Variants in CPNE4 observed in about 807,000 individuals in gnomAD.
CPNE4 encodes copine-4.
Under a neutral mutation model 67.9 loss-of-function variants are expected in CPNE4, and 25 were observed. The ratio of observed to expected loss-of-function variants is 0.37; its 90% confidence interval spans 0.27 to 0.51. CPNE4 has a LOEUF of 0.51. Ranked by LOEUF, CPNE4 falls within the 20% of genes least tolerant of loss-of-function variation. The probability of loss-of-function intolerance (pLI) is 0.93; values close to 1 mark genes in which losing one functional copy is unlikely to be tolerated. For synonymous variants in CPNE4, 242 were observed against 244.9 expected, an observed-to-expected ratio of 0.99 and a Z score of 0.11; for missense variants, 464 against 690.8, an observed-to-expected ratio of 0.67 and a Z score of 3.68.
At chr3:131,824,374 C>T (rs143403182) in intron 2 of CPNE4, among the ~76,000 whole-genome samples, 1 of 152,124 alleles carries the variant, frequency 6.6e-6, no homozygotes, top group African/African-American at 2.4e-5. Context: ...TCTAACTATC[C>T]ATGCCCAGCT....
At chr3:132,032,613 C>T (rs1261442141) in intron 1 of CPNE4, among the ~76,000 whole-genome samples, 1 of 152,192 alleles carries the variant, frequency 6.6e-6, no homozygotes, top group Non-Finnish European at 1.5e-5. Flanking sequence ...GGTGTTCTGA[C>T]TGCATTTTCC....
intron 1 of CPNE4, among the ~76,000 whole-genome samples, chr3:131,951,734 C>G (rs956369428): frequency 2.0e-5 from 3 of 152,228 alleles, no homozygotes; most frequent in Admixed American, 6.5e-5. Flanking sequence ...GACTGGTTTT[C>G]GTATTTTTTT....
intron 2 of CPNE4, among the ~76,000 whole-genome samples, chr3:131,744,695 C>A (rs1218577081): frequency 1.3e-5 from 2 of 152,200 alleles, no homozygotes; most frequent in African/African-American, 4.8e-5. Flanking sequence ...AGTATGTAAG[C>A]TCTTCAGATT....
At chr3:131,754,482 A>C (rs1583144833) in intron 2 of CPNE4, among the ~76,000 whole-genome samples, 1 of 152,122 alleles carries the variant, frequency 6.6e-6, no homozygotes. Flanking sequence ...AAAACATTTA[A>C]AAGTTAAAAA....
At chr3:131,938,041 C>T (rs2071274993) in intron 1 of CPNE4, among the ~76,000 whole-genome samples, 1 of 151,906 alleles carries the variant, frequency 6.6e-6, no homozygotes, top group Non-Finnish European at 1.5e-5. Flanking sequence ...AAAGAAAGAG[C>T]TGAATTGTAA....
intron 14 of CPNE4, chr3:131,543,210 G>A (rs987334502): frequency 1.2e-5 from 2 of 161,874 alleles, no homozygotes; most frequent in Non-Finnish European, 2.7e-5. Flanking sequence ...CTAAAGCTAT[G>A]ACATCCAATA....
intron 1 of CPNE4, among the ~76,000 whole-genome samples, chr3:131,941,532 C>T (rs2071387318): frequency 6.6e-6 from 1 of 151,868 alleles, no homozygotes; most frequent in Admixed American, 6.6e-5. Context: ...TCTACAGCTA[C>T]TGATGAGAAA....
intron 1 of CPNE4, among the ~76,000 whole-genome samples, chr3:132,026,999 T>C (rs910931094): frequency 6.6e-6 from 1 of 152,238 alleles, no homozygotes; most frequent in Non-Finnish European, 1.5e-5. Flanking sequence ...TAACACATAT[T>C]TGTCTTTATC....
rs1938274462 is a variant in CPNE4, at chr3:131,587,638, T to C, written c.682-56A>G. The C allele has an allele frequency of 1.9e-5, 24 of 1,246,638 alleles. 2 individuals are homozygous for C. The South Asian group carries it at 2.8e-4, about 15-fold the overall frequency. 77.2% of individuals were successfully genotyped at this position (1,246,638 alleles called of 1,614,324 possible). A position where few individuals can be genotyped will look rare whatever the true frequency, so the allele number is the denominator to read the frequency against. On this transcript the variant is annotated intron_variant, in intron 7 of 15. Coordinates refer to ENST00000429747, the MANE Select transcript of CPNE4 (RefSeq NM_130808.3). ...AAATTAAGAATGTAGCCACAGCAGC[T>C]GAAGGCAATGTTAACTTTAGGAGAA... is the stretch of plus-strand genomic sequence containing the variant.
intron 1 of CPNE4, among the ~76,000 whole-genome samples, chr3:131,938,935 C>T (rs1430587768): frequency 2.6e-5 from 4 of 152,116 alleles, no homozygotes; most frequent in Non-Finnish European, 4.4e-5. Flanking sequence ...CCAAACTATA[C>T]TAAAATAACT....
intron 2 of CPNE4, among the ~76,000 whole-genome samples, chr3:131,888,308 A>G (rs9854227): frequency 0.29 from 43,569 of 151,836 alleles, 7,264 homozygotes; most frequent in Non-Finnish European, 0.37. Context: ...GAAAAGACCA[A>G]CATTGATCAA....
At chr3:131,712,096 T>A (rs2081572480) in intron 3 of CPNE4, among the ~76,000 whole-genome samples, 1 of 152,140 alleles carries the variant, frequency 6.6e-6, no homozygotes, top group Non-Finnish European at 1.5e-5. Context: ...TTACAAGTTT[T>A]AAAGTTCTTC....
intron 7 of CPNE4, among the ~76,000 whole-genome samples, chr3:131,654,755 A>G (rs532974254): frequency 5.3e-5 from 8 of 152,334 alleles, no homozygotes; most frequent in Non-Finnish European, 7.3e-5. Flanking sequence ...ACAATTGACT[A>G]GAGTAGTGGT....
chr3:131,671,458 CATGTGTGTGTGTGTGT>C (rs1249874377), intron 6 of CPNE4, among the ~76,000 whole-genome samples: 9 of 125,624 alleles, frequency 7.2e-5, no homozygotes, highest in Non-Finnish European at 1.7e-4. Context: ...TGAGTGTACA[CATGTGTGTGTGTGTGT>C]GTGTGTGTGT....
intron 2 of CPNE4, among the ~76,000 whole-genome samples, chr3:131,857,573 G>T (rs773082948): frequency 6.6e-6 from 1 of 151,958 alleles, no homozygotes; most frequent in Non-Finnish European, 1.5e-5. Context: ...TTAGAGAAAA[G>T]ATCTGGGTTC....
At chr3:132,019,448 T>C (rs1452053675) in intron 1 of CPNE4, among the ~76,000 whole-genome samples, 1 of 152,224 alleles carries the variant, frequency 6.6e-6, no homozygotes, top group Non-Finnish European at 1.5e-5. Flanking sequence ...ATAGGTACAG[T>C]ATTGCATAAA....
In CPNE4 at chr3:131,688,085, A is replaced by C. The variant is rs188845838; in HGVS notation, c.508-2127T>G. ...GAGAGGCAGGGGGAATCATTGAAGG[A>C]TTTTGAGCAGAAAAGTAATATAGTT... On this transcript the variant is annotated intron_variant, in intron 5 of 15. Coordinates refer to ENST00000429747, the MANE Select transcript of CPNE4 (RefSeq NM_130808.3). Among the ~76,000 whole-genome samples, 233 of 152,312 alleles carry C rather than the reference A, an allele frequency of 1.5e-3. 1 individual carries two copies. Among genetic ancestry groups the C allele is most frequent in the African/African-American group, 5.1e-3 (211 of 41,578 alleles).
At chr3:131,807,365 T>C (rs2084356660) in intron 2 of CPNE4, among the ~76,000 whole-genome samples, 1 of 152,218 alleles carries the variant, frequency 6.6e-6, no homozygotes, top group Non-Finnish European at 1.5e-5. Flanking sequence ...GCATATATAA[T>C]TTTATACTTT....
chr3:131,674,838 G>C (rs77948903), intron 6 of CPNE4, among the ~76,000 whole-genome samples: 2 of 150,726 alleles, frequency 1.3e-5, no homozygotes, highest in African/African-American at 4.9e-5. Context: ...TTATTATTTA[G>C]TTTCTTCTAC....
Sources: allele counts gnomAD v4.1 joint callset (sites outside exome capture counted in the v4.1 genomes callset), GRCh38; gene constraint gnomAD v4.1.1; transcripts MANE v1.5; gene names NCBI Gene and HGNC (gene_info 2026-07-23, HGNC 2026-07-21).